The following REEP1 variants were observed in gnomAD, a reference collection of about 807,000 sequenced individuals.
REEP1 encodes receptor expression-enhancing protein 1.
REEP1 carries 22 observed loss-of-function variants against 40.3 expected under a neutral mutation model. The ratio of observed to expected loss-of-function variants is 0.55; its 90% CI spans 0.39 to 0.78. The LOEUF (loss-of-function observed/expected upper bound fraction) is 0.78, where lower values mean the gene tolerates loss of function less well. Among genes scored for constraint, REEP1 ranks in the 30% least tolerant of loss-of-function variants. The probability of loss-of-function intolerance (pLI) is 0.00; values close to 1 mark genes in which losing one functional copy is unlikely to be tolerated. For missense variants in REEP1, 280 were observed against 361.1 expected, an observed-to-expected ratio of 0.78 and a Z score of 1.82; for synonymous variants, 116 against 139.2, an observed-to-expected ratio of 0.83 and a Z score of 1.17.
At position 86,227,362 on chromosome 2, in the gene REEP1, C is replaced by T; in HGVS notation, c.631+1G>A. 1.6e-6 allele frequency: 2 copies of T among 1,232,348 alleles called. No homozygotes were observed. Among genetic ancestry groups the T allele is most frequent in the Non-Finnish European group, 2.0e-6 (2 of 988,130 alleles). 76.3% of individuals were successfully genotyped at this position (1,232,348 alleles called of 1,614,324 possible). ...TGCGGAGAGGCTGGCTGCTTACTCA[C>T]CTTTCCAGGTCCTGCAGGTGGAGCA... On this transcript the variant is annotated splice_donor_variant, in intron 7 of 8. Coordinates refer to ENST00000538924, the MANE Select transcript of REEP1 (RefSeq NM_001371279.1). LOFTEE classifies it high-confidence loss of function.
rs114889672 is a variant in REEP1, at chr2:86,219,126, T to A, written c.783+844A>T. 9.7e-3 allele frequency among the ~76,000 whole-genome samples: 1,482 copies of A among 152,298 alleles called. 20 individuals carry two copies. The highest frequency in any genetic ancestry group is 0.034 in the African/African-American group (1,402 of 41,562). ...TGCTGCCAGAACTCCATCCACATCC[T>A]ACAACTGAAAATAGCATATATGTCA... is the stretch of plus-strand genomic sequence containing the variant. On this transcript the variant is annotated intron_variant, in intron 8 of 8. Coordinates refer to ENST00000538924, the MANE Select transcript of REEP1 (RefSeq NM_001371279.1).
chr2:86,280,734 A>G (rs1048952500), intron 2 of REEP1, among the ~76,000 whole-genome samples: 2 of 152,116 alleles, frequency 1.3e-5, no homozygotes, highest in South Asian at 4.1e-4. Context: ...CTGCTTACGA[A>G]CAGCAAGGTG....
chr2:86,305,064 G>A (rs1024355367), intron 1 of REEP1, among the ~76,000 whole-genome samples: 8 of 151,990 alleles, frequency 5.3e-5, no homozygotes, highest in Non-Finnish European at 8.8e-5. Flanking sequence ...GTACCTAGAC[G>A]AGGTACCTTG....
chr2:86,337,314 G>A lies in REEP1; in HGVS notation c.32+165C>T. On this transcript the variant is annotated intron_variant, in intron 1 of 8. Transcript: ENST00000538924. This position sits in a 1 kb window ranked among gnomAD's most constrained non-coding sequence, Gnocchi z 5.8. ...GCAGCAGCCGCGTCCTGCGCCGCCC[G>A]TCCGCCCGCAGGCGTCCTCGGCGGC... 1 of 374,022 alleles carries A rather than the reference G, an allele frequency of 2.7e-6. No homozygotes were observed. The highest frequency in any genetic ancestry group is 4.3e-6 in the Non-Finnish European group (1 of 229,990). The allele number at this position is 374,022 out of a possible 1,614,324, so 23.2% of individuals were successfully genotyped here. A position where few individuals can be genotyped will look rare whatever the true frequency, so the allele number is the denominator to read the frequency against.
chr2:86,282,399 G>T (rs866367759), intron 1 of REEP1, among the ~76,000 whole-genome samples, 157 bp from the exon 2 acceptor site: 1 of 152,206 alleles, frequency 6.6e-6, no homozygotes, highest in South Asian at 2.1e-4. Flanking sequence ...TGTTCTGCTC[G>T]TGGCTGGGGC....
intron 3 of REEP1, among the ~76,000 whole-genome samples, chr2:86,261,474 G>T (rs1385163166): frequency 6.6e-6 from 1 of 152,150 alleles, no homozygotes; most frequent in Non-Finnish European, 1.5e-5. Context: ...TCAAACTCAG[G>T]GTTAAATGGA....
At chr2:86,226,114 C>CCACCACCAT (rs1558870027) in intron 7 of REEP1, among the ~76,000 whole-genome samples, 3 of 140,680 alleles carry the variant, frequency 2.1e-5, no homozygotes, top group Admixed American at 7.1e-5. Context: ...ACCACCACCA[C>CCACCACCAT]CATCATCACC....
intron 1 of REEP1, among the ~76,000 whole-genome samples, chr2:86,318,780 G>C (rs79286439): frequency 0.03 from 4,576 of 152,178 alleles, 118 homozygotes; most frequent in East Asian, 0.069. Flanking sequence ...GGGTGAGGTA[G>C]CATGATGTCT....
chr2:86,220,552 T>A (rs1340844239), intron 7 of REEP1, among the ~76,000 whole-genome samples: 1 of 151,920 alleles, frequency 6.6e-6, no homozygotes, highest in Non-Finnish European at 1.5e-5. Flanking sequence ...TGGGGTGGGG[T>A]GGGAGAGCAG....
chr2:86,286,935 G>T (rs1332014783), intron 1 of REEP1, among the ~76,000 whole-genome samples: 2 of 152,028 alleles, frequency 1.3e-5, no homozygotes, highest in Non-Finnish European at 2.9e-5. Context: ...AATGTAAGAG[G>T]AATAACAAGT....
At chr2:86,246,043 C>T (rs1471931540) in intron 5 of REEP1, among the ~76,000 whole-genome samples, 3 of 152,154 alleles carry the variant, frequency 2.0e-5, no homozygotes, top group Non-Finnish European at 4.4e-5. Flanking sequence ...GGATTACAGG[C>T]ATGAGCCATT....
chr2:86,321,972 C>T (rs755541132), intron 1 of REEP1, among the ~76,000 whole-genome samples: 8 of 152,242 alleles, frequency 5.3e-5, no homozygotes, highest in East Asian at 1.9e-4. Flanking sequence ...AAAGGCACAA[C>T]GCCACACTGT....
At position 86,214,187 on chromosome 2, in the gene REEP1, G is replaced by A. The variant is rs1330659268; in HGVS notation, c.*2852C>T. On this transcript the variant is annotated 3_prime_UTR_variant, in exon 9 of 9. Coordinates refer to ENST00000538924, the MANE Select transcript of REEP1 (RefSeq NM_001371279.1). ...AGGAAATGTGCACAGTCAAAATCCA[G>A]AATATCAGCTCTGGGAGTGTACACT... 1 of 151,350 alleles carries A rather than the reference G, an allele frequency of 6.6e-6. No individual in the cohort carries two copies. The highest frequency in any genetic ancestry group is 2.0e-4 in the East Asian group (1 of 4,986). 9.4% of individuals were successfully genotyped at this position (151,350 alleles called of 1,614,324 possible). A position where few individuals can be genotyped will look rare whatever the true frequency, so the allele number is the denominator to read the frequency against.
At chr2:86,326,953 G>T (rs1680537880) in intron 1 of REEP1, among the ~76,000 whole-genome samples, 1 of 152,048 alleles carries the variant, frequency 6.6e-6, no homozygotes, top group Non-Finnish European at 1.5e-5. Context: ...TCAGAACATG[G>T]ACACCTGGCC....
chr2:86,249,893 AG>A (rs1463669182), intron 5 of REEP1, among the ~76,000 whole-genome samples: 4 of 152,240 alleles, frequency 2.6e-5, no homozygotes, highest in African/African-American at 7.2e-5. Context: ...AGAGAGAAAA[AG>A]CAAAGCCCCA....
At chr2:86,251,318 A>C (rs1454988322) in intron 5 of REEP1, 2 of 155,930 alleles carry the variant, frequency 1.3e-5, no homozygotes, top group African/African-American at 2.4e-5. Flanking sequence ...GGCTGGAGAG[A>C]ATAGAGAAAG....
At chr2:86,257,824 G>T (rs1192965850) in intron 3 of REEP1, among the ~76,000 whole-genome samples, 1 of 152,096 alleles carries the variant, frequency 6.6e-6, no homozygotes, top group South Asian at 2.1e-4. Context: ...TTTTAGTAGA[G>T]ACGGGGGTTT....
intron 5 of REEP1, among the ~76,000 whole-genome samples, chr2:86,249,362 G>A (rs1023601192): frequency 3.3e-5 from 5 of 152,032 alleles, no homozygotes; most frequent in South Asian, 2.1e-4. Context: ...CCCGCTGCCC[G>A]GTTCCCACAC....
chr2:86,257,783 G>A (rs988196332), intron 3 of REEP1, among the ~76,000 whole-genome samples: 1 of 151,986 alleles, frequency 6.6e-6, no homozygotes, highest in East Asian at 1.9e-4. Context: ...GATTACAGGC[G>A]TGCACCACAA....
Sources: allele counts gnomAD v4.1 joint callset (sites outside exome capture counted in the v4.1 genomes callset), GRCh38; gene constraint gnomAD v4.1.1; non-coding constraint Gnocchi (gnomAD v3.1); transcripts MANE v1.5; gene names NCBI Gene and HGNC (gene_info 2026-07-23, HGNC 2026-07-21).